Variants in SERPINB7 observed in about 807,000 individuals in gnomAD.
The protein encoded by SERPINB7 is serpin B7.
In SERPINB7, 31 loss-of-function variants were observed where a neutral mutation model predicts 37.4. That is an observed-to-expected ratio of 0.83 (90% confidence interval 0.62 to 1.12). SERPINB7 has a LOEUF of 1.12. Among genes scored for constraint, SERPINB7 ranks in the 50% most tolerant of loss-of-function variants. SERPINB7 has a pLI of 0.00. For missense variants in SERPINB7, 521 were observed against 455.3 expected, an observed-to-expected ratio of 1.14 and a Z score of -1.31; for synonymous variants, 163 against 166.1, an observed-to-expected ratio of 0.98 and a Z score of 0.14.
In SERPINB7 at chr18:63,782,311, G is replaced by A. The variant is rs992643904; in HGVS notation, c.-18-44G>A. ...TAAATCTAAAAATATAATATTCCTA[G>A]AAAATGTACCGGGAACTAATTTCAT... is the stretch of plus-strand genomic sequence containing the variant. On this transcript the variant is annotated intron_variant, in intron 1 of 7. Coordinates refer to ENST00000398019, the MANE Select transcript of SERPINB7 (RefSeq NM_003784.4). 2.5e-6 allele frequency: 3 copies of A among 1,183,900 alleles called. No individual in the cohort carries two copies. In the African/African-American group the frequency reaches 4.7e-5, roughly 19 times the overall value. The allele number at this position is 1,183,900 out of a possible 1,614,324, so 73.3% of individuals were successfully genotyped here.
intron 2 of SERPINB7, among the ~76,000 whole-genome samples, chr18:63,784,149 C>T (rs2049341548): frequency 6.6e-6 from 1 of 152,002 alleles, no homozygotes; most frequent in Non-Finnish European, 1.5e-5. Flanking sequence ...GGAATATTAC[C>T]CTGATTTTAT....
rs193012665 is a variant in SERPINB7, at chr18:63,794,005, G to A, written c.336+728G>A. 1.7e-3 allele frequency among the ~76,000 whole-genome samples: 257 copies of A among 151,396 alleles called. 3 individuals are homozygous for A. The highest frequency in any genetic ancestry group is 5.8e-3 in the African/African-American group (239 of 41,236). On this transcript the variant is annotated intron_variant, in intron 4 of 7. Coordinates refer to ENST00000398019, the MANE Select transcript of SERPINB7 (RefSeq NM_003784.4). ...GTTGCCCGGGATGGAGTGCACTGGC[G>A]CAATCTCGGCTCACTGCAACCTCTG... is the stretch of plus-strand genomic sequence containing the variant.
upstream of SERPINB7, among the ~76,000 whole-genome samples, chr18:63,775,039 C>A (rs1312298726): frequency 1.3e-5 from 2 of 152,022 alleles, no homozygotes; most frequent in African/African-American, 4.8e-5. Flanking sequence ...AGATGAGTGG[C>A]AAGTTGCAAT....
In SERPINB7 at chr18:63,786,039, CAT is replaced by C. The variant is rs528495596; in HGVS notation, c.168+3507_168+3508del. On this transcript the variant is annotated intron_variant, in intron 2 of 7. Transcript: ENST00000398019. ...CATATATAATATACGTATATATACACATATATATAATATATGTATATATAATA... is the reference window on the plus strand; with the variant it reads ...CATATATAATATACGTATATATACACATATATAATATATGTATATATAATA... Among the ~76,000 whole-genome samples, 42 of 89,858 alleles carry C rather than the reference CAT, an allele frequency of 4.7e-4. No individual in the cohort carries two copies. The South Asian group carries it at 5.1e-3, about 11-fold the overall frequency. 59.0% of individuals were successfully genotyped at this position (89,858 alleles called of 152,430 possible).
intron 1 of SERPINB7, among the ~76,000 whole-genome samples, chr18:63,768,947 T>A (rs954744826): frequency 6.6e-6 from 1 of 152,168 alleles, no homozygotes; most frequent in Non-Finnish European, 1.5e-5. Flanking sequence ...AGGACTAGTA[T>A]TCCATTGTTT....
intron 2 of SERPINB7, among the ~76,000 whole-genome samples, chr18:63,785,514 C>T (rs1188637316): frequency 6.6e-6 from 1 of 152,114 alleles, no homozygotes; most frequent in Non-Finnish European, 1.5e-5. Context: ...CTCAGCTATT[C>T]CTCATGAAAC....
In SERPINB7 at chr18:63,804,912, G is replaced by A. The variant is rs1030493876; in HGVS notation, c.*277G>A. 4.1e-5 allele frequency: 16 copies of A among 390,114 alleles called. No individual in the cohort carries two copies. Among genetic ancestry groups the A allele is most frequent in the South Asian group, 1.7e-4 (3 of 18,016 alleles). 24.2% of individuals were successfully genotyped at this position (390,114 alleles called of 1,614,324 possible). A position where few individuals can be genotyped will look rare whatever the true frequency, so the allele number is the denominator to read the frequency against. ...TTTCTATCATTCTCCCCCATGACCCGTCTGGAAATTATGGAGAGTGCTCAA... is the reference window on the plus strand; with the variant it reads ...TTTCTATCATTCTCCCCCATGACCCATCTGGAAATTATGGAGAGTGCTCAA... On this transcript the variant is annotated 3_prime_UTR_variant, in exon 8 of 8. Transcript: ENST00000398019.
In SERPINB7 at chr18:63,764,405, G is replaced by A. The variant is rs573837414; in HGVS notation, c.-19+11285G>A. Among the ~76,000 whole-genome samples, 10 of 152,286 alleles carry A rather than the reference G, an allele frequency of 6.6e-5. No individual in the cohort carries two copies. The East Asian group carries it at 1.9e-3, about 29-fold the overall frequency. ...TTTGGCCCTTTCTTGAAGGAACTCA[G>A]GTTTCTGCTTATTTGAGCTCTGACT... On this transcript the variant is annotated intron_variant, in intron 1 of 7. Coordinates refer to the SERPINB7 transcript ENST00000336429.
chr18:63,757,259 T>C (rs1244945285), intron 1 of SERPINB7, among the ~76,000 whole-genome samples: 2 of 152,200 alleles, frequency 1.3e-5, no homozygotes, highest in Non-Finnish European at 2.9e-5. Context: ...AAAAATGGTG[T>C]GTAAATCCTC....
At chr18:63,781,913 A>G (rs1389076574) in intron 1 of SERPINB7, among the ~76,000 whole-genome samples, 1 of 152,268 alleles carries the variant, frequency 6.6e-6, no homozygotes, top group African/African-American at 2.4e-5. Context: ...TAATGGAAAG[A>G]ATGGGTTAAA....
rs532759899 is a variant in SERPINB7 at position 63,800,057 on chromosome 18, G to A, written c.598-809G>A. Among the ~76,000 whole-genome samples, 126 of 141,492 alleles carry A rather than the reference G, an allele frequency of 8.9e-4. 1 individual carries two copies. Among genetic ancestry groups the A allele is most frequent in the African/African-American group, 3.3e-3 (110 of 33,622 alleles). 92.8% of individuals were successfully genotyped at this position (141,492 alleles called of 152,430 possible). A position where few individuals can be genotyped will look rare whatever the true frequency, so the allele number is the denominator to read the frequency against. ...TTCTGAGACCTCATGCTTAAATAGC[G>A]TATTTTTTTTTTTTTTGAGACAGGG... On this transcript the variant is annotated intron_variant, in intron 6 of 7. Coordinates refer to ENST00000398019, the MANE Select transcript of SERPINB7 (RefSeq NM_003784.4).
At chr18:63,796,120 C>T (rs2049485074) in intron 4 of SERPINB7, 146 bp from the exon 5 acceptor site, 1 of 528,020 alleles carries the variant, frequency 1.9e-6, no homozygotes, top group East Asian at 3.1e-5. Context: ...GTCCCATTTC[C>T]ATATATCCCT....
chr18:63,801,081 C>T, intron 7 of SERPINB7, 69 bp downstream of exon 7: 1 of 1,443,120 alleles, frequency 6.9e-7, no homozygotes. Flanking sequence ...TGAGTTTTCA[C>T]TGATAAACTG....
intron 1 of SERPINB7, among the ~76,000 whole-genome samples, chr18:63,778,936 T>C (rs1333475292): frequency 6.6e-6 from 1 of 152,202 alleles, no homozygotes; most frequent in Non-Finnish European, 1.5e-5. Flanking sequence ...TAAGCTAAAA[T>C]ATTTATGCAA....
intron 7 of SERPINB7, among the ~76,000 whole-genome samples, chr18:63,802,224 A>G (rs957305111): frequency 2.6e-5 from 4 of 152,236 alleles, no homozygotes; most frequent in Non-Finnish European, 5.9e-5. Context: ...CTGATGTGGC[A>G]GGAGAAATGG....
intron 2 of SERPINB7, among the ~76,000 whole-genome samples, chr18:63,788,662 C>T (rs1197978822): frequency 2.0e-5 from 3 of 152,226 alleles, no homozygotes; most frequent in African/African-American, 7.2e-5. Flanking sequence ...CTGACTCACC[C>T]AGTGCCACTT....
At chr18:63,768,350 C>G (rs1039449357) in intron 1 of SERPINB7, among the ~76,000 whole-genome samples, 1 of 151,852 alleles carries the variant, frequency 6.6e-6, no homozygotes, top group South Asian at 2.1e-4. Context: ...AAATTTGACT[C>G]GCACCATCTT....
rs150173362 is a variant in SERPINB7, at chr18:63,796,273, T to C, written c.344T>C (p.Ile115Thr). The C allele has an allele frequency of 2.4e-5, 38 of 1,597,036 alleles. No individual in the cohort carries two copies. The highest frequency in any genetic ancestry group is 1.3e-4 in the Admixed American group (8 of 59,954). ...CTATATTCTTCTTTATAGGACTACA[T>C]TGAGTGTGCCGAAAAATTATACGAT... ...EKVYGFHKDY[I>T]ECAEKLYDAK... Residue 115 changes from isoleucine (I) to threonine (T), a missense_variant, in exon 5 of 8, where the codon ATT (isoleucine) becomes ACT (threonine). By Grantham distance (89) the Ile-to-Thr change is moderately conservative. Transcript: ENST00000398019.
At chr18:63,756,803 C>CG (rs1555691742) in intron 1 of SERPINB7, among the ~76,000 whole-genome samples, 67 of 39,052 alleles carry the variant, frequency 1.7e-3, no homozygotes, top group Admixed American at 4.4e-3. Context: ...CTTGGGGTAG[C>CG]TTGTGTGTGT....
Sources: allele counts gnomAD v4.1 joint callset (sites outside exome capture counted in the v4.1 genomes callset), GRCh38; gene constraint gnomAD v4.1.1; transcripts MANE v1.5; gene names NCBI Gene and HGNC (gene_info 2026-07-23, HGNC 2026-07-21).